Variants in PCCA observed in about 807,000 individuals in gnomAD.
PCCA encodes propionyl-CoA carboxylase alpha chain, mitochondrial.
A neutral mutation model predicts 101.3 loss-of-function variants in PCCA; 74 were observed. That is an observed-to-expected ratio of 0.73 (90% CI 0.61 to 0.89). PCCA has a LOEUF of 0.89. Ranked by LOEUF, PCCA falls within the 40% of genes least tolerant of loss-of-function variation. The pLI is 0.00. For synonymous variants in PCCA, 294 were observed against 313.6 expected (o/e 0.94, Z 0.66); for missense variants, 891 against 907.0 (o/e 0.98, Z 0.23).
chr13:100,288,938 C>T (rs935995052), intron 12 of PCCA, among the ~76,000 whole-genome samples: 1 of 152,148 alleles, frequency 6.6e-6, no homozygotes, highest in Non-Finnish European at 1.5e-5. Flanking sequence ...GAATCTGCAA[C>T]CAGCTTCTTA....
intron 12 of PCCA, among the ~76,000 whole-genome samples, chr13:100,275,137 A>G (rs1455708578): frequency 6.6e-6 from 1 of 152,030 alleles, no homozygotes; most frequent in African/African-American, 2.4e-5. Flanking sequence ...TCTCACGTGC[A>G]CCAAGGGGCC....
At chr13:100,195,173 C>T (rs2058030211) in intron 6 of PCCA, among the ~76,000 whole-genome samples, 1 of 152,050 alleles carries the variant, frequency 6.6e-6, no homozygotes, top group South Asian at 2.1e-4. Flanking sequence ...ATTACAACTT[C>T]AAAACAAATC....
chr13:100,439,768 C>T (rs1264241901), intron 20 of PCCA, among the ~76,000 whole-genome samples: 1 of 152,054 alleles, frequency 6.6e-6, no homozygotes, highest in Non-Finnish European at 1.5e-5. Context: ...TTTCTTCTAT[C>T]CACCTGCTCA....
chr13:100,224,686 G>A (rs1014380965), intron 7 of PCCA, among the ~76,000 whole-genome samples: 1 of 152,230 alleles, frequency 6.6e-6, no homozygotes, highest in Non-Finnish European at 1.5e-5. Context: ...ATGCATATAG[G>A]ATGGGCATGT....
At chr13:100,363,451 C>A (rs55781196) in intron 18 of PCCA, among the ~76,000 whole-genome samples, 12,776 of 152,130 alleles carry the variant, frequency 0.084, 712 homozygotes, top group Non-Finnish European at 0.13. Flanking sequence ...TCTACCCCCA[C>A]TGAATACATC....
intron 14 of PCCA, among the ~76,000 whole-genome samples, chr13:100,303,982 TTAAA>T (rs1322886575): frequency 6.6e-6 from 1 of 152,202 alleles, no homozygotes; most frequent in Non-Finnish European, 1.5e-5. Context: ...AAAAGAAGTA[TTAAA>T]TAAGAATTCA....
intron 16 of PCCA, among the ~76,000 whole-genome samples, chr13:100,310,202 T>C (rs1479323208): frequency 2.0e-5 from 3 of 152,222 alleles, no homozygotes; most frequent in Non-Finnish European, 2.9e-5. Context: ...AGAAGTAATA[T>C]TGCTGTGGAG....
At chr13:100,329,947 G>T (rs2069298775) in intron 16 of PCCA, among the ~76,000 whole-genome samples, 2 of 152,154 alleles carry the variant, frequency 1.3e-5, no homozygotes, top group Non-Finnish European at 1.5e-5. Flanking sequence ...AACGAGAAAT[G>T]TCCAATTTTT....
At chr13:100,113,645 C>A (rs935800716) in intron 4 of PCCA, among the ~76,000 whole-genome samples, 28 of 146,164 alleles carry the variant, frequency 1.9e-4, no homozygotes, top group Non-Finnish European at 3.9e-4. Context: ...GTGGTGCAGT[C>A]TTGGCTCACT....
At chr13:100,148,131 T>C (rs2052806300) in intron 4 of PCCA, among the ~76,000 whole-genome samples, 1 of 152,096 alleles carries the variant, frequency 6.6e-6, no homozygotes. Flanking sequence ...TCTCACTCTG[T>C]TAGCCAGGAT....
intron 4 of PCCA, among the ~76,000 whole-genome samples, chr13:100,131,627 G>A (rs2050522381): frequency 1.3e-5 from 2 of 152,104 alleles, no homozygotes; most frequent in Non-Finnish European, 2.9e-5. Context: ...TACCTAGTAT[G>A]CTTTTTTTTA....
intron 22 of PCCA, among the ~76,000 whole-genome samples, chr13:100,526,674 G>A (rs1028854658): frequency 6.6e-6 from 1 of 152,262 alleles, no homozygotes; most frequent in African/African-American, 2.4e-5. Flanking sequence ...TAGGAACCTG[G>A]ACTTGCCCGT....
chr13:100,419,005 G>T lies in PCCA; in HGVS notation c.1747-6628G>T, dbSNP rs1268474253. 2.6e-5 allele frequency among the ~76,000 whole-genome samples: 4 copies of T among 151,066 alleles called. No homozygotes were observed. In the South Asian group the frequency reaches 6.3e-4, roughly 24 times the overall value. On this transcript the variant is annotated intron_variant, in intron 19 of 23. Transcript: ENST00000376285. ...AAGCTTAGCTCTTTCTCACCCCAGGGTTTTTTTCTTTCTTTTTTTTTTTAA... is the reference window on the plus strand; with the variant it reads ...AAGCTTAGCTCTTTCTCACCCCAGGTTTTTTTTCTTTCTTTTTTTTTTTAA...
intron 14 of PCCA, among the ~76,000 whole-genome samples, chr13:100,306,403 C>G (rs1396731344): frequency 6.6e-6 from 1 of 152,200 alleles, no homozygotes; most frequent in East Asian, 1.9e-4. Context: ...TCCAAAACTT[C>G]TTTCTAATAA....
At chr13:100,106,138 G>GT (rs879267145) in intron 2 of PCCA, among the ~76,000 whole-genome samples, 84 of 149,970 alleles carry the variant, frequency 5.6e-4, no homozygotes, top group Admixed American at 1.7e-3. Flanking sequence ...GCAGAATATT[G>GT]TTTTTTTTTG....
At chr13:100,391,111 G>A (rs2076777014) in intron 19 of PCCA, among the ~76,000 whole-genome samples, 1 of 151,832 alleles carries the variant, frequency 6.6e-6, no homozygotes, top group South Asian at 2.1e-4. Context: ...TCCACCTCCC[G>A]AGTTCAAGTG....
intron 12 of PCCA, 30 bp downstream of exon 12, chr13:100,273,376 A>G (rs761215645): frequency 1.9e-6 from 3 of 1,571,258 alleles, no homozygotes; most frequent in South Asian, 1.1e-5. Flanking sequence ...ATTCCTCTCC[A>G]TGCCTCTGTA....
chr13:100,192,024 C>T (rs1253606245), intron 6 of PCCA, among the ~76,000 whole-genome samples: 1 of 152,058 alleles, frequency 6.6e-6, no homozygotes, highest in East Asian at 1.9e-4. Flanking sequence ...TGTAAGAGTA[C>T]TTAATGTGAA....
chr13:100,216,667 G>A (rs1390867144), intron 7 of PCCA, among the ~76,000 whole-genome samples: 2 of 152,050 alleles, frequency 1.3e-5, no homozygotes, highest in Non-Finnish European at 2.9e-5. Context: ...TCTATTAGAG[G>A]CACCAAAAGA....
Sources: gnomAD v4.1 joint callset for allele counts (sites outside exome capture counted in the v4.1 genomes callset) on GRCh38, gnomAD v4.1.1 for gene constraint, MANE v1.5 for transcripts, NCBI Gene and HGNC (gene_info 2026-07-23, HGNC 2026-07-21) for gene names.